The following BNC2 variants were observed in gnomAD, a reference collection of about 807,000 sequenced individuals.
BNC2 encodes basonuclin zinc finger protein 2, also known as zinc finger protein basonuclin-2.
A neutral mutation model predicts 76.3 loss-of-function variants in BNC2; 20 were observed. The observed-to-expected ratio is 0.26, with a 90% CI of 0.18 to 0.38. BNC2 has a LOEUF of 0.38. Among genes scored for constraint, BNC2 ranks in the 10% least tolerant of loss-of-function variants. BNC2 has a pLI of 1.00. For synonymous variants in BNC2, 582 were observed against 514.8 expected (o/e 1.13, Z -1.77); for missense variants, 1,382 against 1,399.8 (o/e 0.99, Z 0.20).
chr9:16,624,728 G>A (rs1220730571), intron 3 of BNC2, among the ~76,000 whole-genome samples: 2 of 152,114 alleles, frequency 1.3e-5, no homozygotes, highest in East Asian at 3.8e-4. Flanking sequence ...GATCCAAATG[G>A]AAGTCATGTT....
chr9:16,714,746 TC>T (rs1823948884), intron 3 of BNC2, among the ~76,000 whole-genome samples: 1 of 152,216 alleles, frequency 6.6e-6, no homozygotes, highest in African/African-American at 2.4e-5. Context: ...AACAGGATGT[TC>T]TTGTTTCCTT....
At chr9:16,589,480 C>T (rs551132544) in intron 3 of BNC2, among the ~76,000 whole-genome samples, 2 of 147,658 alleles carry the variant, frequency 1.4e-5, no homozygotes, top group African/African-American at 5.0e-5. Flanking sequence ...GTCATTGCAC[C>T]TGGCCTAAAA....
In BNC2 at chr9:16,617,206, C is replaced by T. The variant is rs528898607; in HGVS notation, c.331-34121G>A. ...GTGGCCCTGCAATCAAAATGAGGTA[C>T]TTCTTATAGAACAAACAAACAAACA... On this transcript the variant is annotated intron_variant, in intron 3 of 6. Coordinates refer to ENST00000380672, the MANE Select transcript of BNC2 (RefSeq NM_017637.6). Among the ~76,000 whole-genome samples, 230 of 152,190 alleles carry T rather than the reference C, an allele frequency of 1.5e-3. 2 individuals are homozygous for T. The highest frequency in any genetic ancestry group is 5.2e-3 in the African/African-American group (216 of 41,536).
intron 3 of BNC2, among the ~76,000 whole-genome samples, chr9:16,646,985 T>C (rs947946511): frequency 3.9e-5 from 6 of 152,212 alleles, no homozygotes; most frequent in Middle Eastern, 3.4e-3. Context: ...TGCCCACCCA[T>C]GAGCAGACAT....
chr9:16,847,359 T>C (rs1016226143), intron 1 of BNC2, among the ~76,000 whole-genome samples: 2 of 137,308 alleles, frequency 1.5e-5, no homozygotes, highest in African/African-American at 2.7e-5. Context: ...ACTTTAAGTA[T>C]ATTTTGATTT....
chr9:16,552,361 G>A (rs1818688719), intron 5 of BNC2, among the ~76,000 whole-genome samples, 169 bp downstream of exon 5: 1 of 152,186 alleles, frequency 6.6e-6, no homozygotes, highest in Non-Finnish European at 1.5e-5. Context: ...AGGCCCGATG[G>A]TGGCCTGCTT....
intron 1 of BNC2, among the ~76,000 whole-genome samples, chr9:16,789,124 T>G (rs374075402): frequency 1.3e-5 from 2 of 152,158 alleles, no homozygotes; most frequent in South Asian, 4.1e-4. Context: ...AGAGACAGAA[T>G]TAAAGCACTA....
At chr9:16,766,177 A>G (rs954414342) in intron 1 of BNC2, among the ~76,000 whole-genome samples, 3 of 152,058 alleles carry the variant, frequency 2.0e-5, no homozygotes, top group Non-Finnish European at 4.4e-5. Context: ...GAATTTCTTC[A>G]CTTTTAGTGC....
intron 1 of BNC2, among the ~76,000 whole-genome samples, chr9:16,764,215 T>C (rs1347196012): frequency 1.3e-5 from 2 of 152,200 alleles, no homozygotes; most frequent in African/African-American, 2.4e-5. Flanking sequence ...TTTTAAAACA[T>C]GTTTGCATAC....
At chr9:16,475,087 T>C (rs1475369111) in intron 5 of BNC2, among the ~76,000 whole-genome samples, 1 of 152,248 alleles carries the variant, frequency 6.6e-6, no homozygotes, top group East Asian at 1.9e-4. Flanking sequence ...AGGTCTGACT[T>C]TACACCATGG....
At position 16,788,745 on chromosome 9, in the gene BNC2, G is replaced by A. The variant is rs766040212; in HGVS notation, c.4-50260C>T. 2.6e-5 allele frequency among the ~76,000 whole-genome samples: 4 copies of A among 151,954 alleles called. No homozygotes were observed. In the South Asian group the frequency reaches 6.3e-4, roughly 24 times the overall value. On this transcript the variant is annotated intron_variant, in intron 1 of 6. Transcript: ENST00000380672. ...ATCCTGGCAAAGATCAGAGGATAAGGAAGGAGAGAAATCAACTCCTTCATA... is the reference window on the plus strand; with the variant it reads ...ATCCTGGCAAAGATCAGAGGATAAGAAAGGAGAGAAATCAACTCCTTCATA...
At chr9:16,554,686 C>T (rs1465669007) in intron 4 of BNC2, among the ~76,000 whole-genome samples, 2 of 152,198 alleles carry the variant, frequency 1.3e-5, no homozygotes, top group African/African-American at 4.8e-5. Flanking sequence ...AGCTTAACTA[C>T]TCAGCCTTCT....
At chr9:16,614,391 G>C (rs1294588244) in intron 3 of BNC2, among the ~76,000 whole-genome samples, 2 of 150,398 alleles carry the variant, frequency 1.3e-5, no homozygotes, top group African/African-American at 2.4e-5. Flanking sequence ...CTTCAAAAGA[G>C]AAACAGATTC....
intron 1 of BNC2, among the ~76,000 whole-genome samples, chr9:16,847,966 C>A (rs1218459962): frequency 1.3e-5 from 2 of 152,124 alleles, no homozygotes; most frequent in African/African-American, 2.4e-5. Context: ...TCTCAAAAGA[C>A]TGAAACAAGA....
chr9:16,505,529 G>A (rs561646334), intron 5 of BNC2, among the ~76,000 whole-genome samples: 46 of 152,248 alleles, frequency 3.0e-4, no homozygotes, highest in African/African-American at 1.0e-3. Context: ...AAGGTCTGGA[G>A]AAAACTCTGC....
intron 5 of BNC2, among the ~76,000 whole-genome samples, chr9:16,450,400 C>G (rs993976880): frequency 1.3e-5 from 2 of 152,142 alleles, no homozygotes; most frequent in African/African-American, 4.8e-5. Context: ...TGTGTGAGAA[C>G]AGGAAGAAAC....
chr9:16,509,607 C>T (rs1822707716), intron 5 of BNC2, among the ~76,000 whole-genome samples: 1 of 152,168 alleles, frequency 6.6e-6, no homozygotes. Flanking sequence ...GAGAGTAAGT[C>T]AAAGTTACTA....
chr9:16,658,731 A>T (rs1822007208), intron 3 of BNC2, among the ~76,000 whole-genome samples: 1 of 152,210 alleles, frequency 6.6e-6, no homozygotes, highest in South Asian at 2.1e-4. Flanking sequence ...TTTGCCTCAC[A>T]GCTAATTTAC....
intron 1 of BNC2, among the ~76,000 whole-genome samples, chr9:16,799,621 C>CA (rs948318054): frequency 9.9e-5 from 15 of 151,450 alleles, no homozygotes; most frequent in South Asian, 6.3e-4. Flanking sequence ...CAAAATAGCC[C>CA]AAAAAAAAAT....
Sources: gnomAD v4.1 joint callset for allele counts (sites outside exome capture counted in the v4.1 genomes callset) on GRCh38, gnomAD v4.1.1 for gene constraint, MANE v1.5 for transcripts, NCBI Gene and HGNC (gene_info 2026-07-23, HGNC 2026-07-21) for gene names.